Variants in TSHR observed in about 807,000 individuals in gnomAD.
TSHR encodes the protein thyroid stimulating hormone receptor, also known as thyrotropin receptor.
A neutral mutation model predicts 64.1 loss-of-function variants in TSHR; 51 were observed. That is an observed-to-expected ratio of 0.80 (90% CI 0.64 to 1.01). TSHR has a LOEUF of 1.01. Among genes scored for constraint, TSHR ranks in the 50% least tolerant of loss-of-function variants. The pLI, the probability that TSHR is intolerant of heterozygous loss-of-function variation, is 0.00. For synonymous variants in TSHR, 361 were observed against 361.9 expected (o/e 1.00, Z 0.03); for missense variants, 877 against 942.8 (o/e 0.93, Z 0.91).
At position 81,143,210 on chromosome 14, in the gene TSHR, T is replaced by C. The variant is rs1891774011; in HGVS notation, c.1152T>C (p.His384=). 6.2e-7 allele frequency: 1 copy of C among 1,614,060 alleles called. No homozygotes were observed. The highest frequency in any genetic ancestry group is 8.5e-7 in the Non-Finnish European group (1 of 1,180,036). The change falls in exon 10 of 10, where the codon CAT becomes CAC. Residue 384 remains histidine (H), a synonymous_variant. Transcript: ENST00000298171. ...AGACTCTACAAGCTTTTGACAGCCA[T>C]TATGACTACACCATATGTGGGGACA... ...QEETLQAFDS[H]YDYTICGDSE...
intron 1 of TSHR, among the ~76,000 whole-genome samples, chr14:80,961,254 CACCACCAACACGTCCCTGTCT>C (rs915308489): frequency 6.8e-6 from 1 of 146,084 alleles, no homozygotes; most frequent in African/African-American, 2.5e-5. Context: ...TAATGGAGAA[CACCACCAACACGTCCCTGTCT>C]GCAGGGATCT....
chr14:80,976,573 A>T (rs1887886689), intron 1 of TSHR, among the ~76,000 whole-genome samples: 1 of 152,220 alleles, frequency 6.6e-6, no homozygotes, highest in African/African-American at 2.4e-5. Flanking sequence ...GTTTGTCTAT[A>T]GTCACAATTG....
chr14:81,095,174 A>G (rs141299383), intron 6 of TSHR, among the ~76,000 whole-genome samples: 24 of 152,280 alleles, frequency 1.6e-4, no homozygotes, highest in African/African-American at 5.1e-4. Flanking sequence ...TCATGCCAAT[A>G]ACCACCAATA....
At position 81,144,037 on chromosome 14, in the gene TSHR, A is replaced by C; in HGVS notation, c.1979A>C (p.Lys660Thr). 2.5e-6 allele frequency: 4 copies of C among 1,614,124 alleles called. No individual in the cohort carries two copies. Among genetic ancestry groups the C allele is most frequent in the Non-Finnish European group, 3.4e-6 (4 of 1,180,028 alleles). ...CCTCTCATCACTGTTAGCAACTCCA[A>C]AATCTTGCTGGTACTCTTCTATCCA... is the stretch of plus-strand genomic sequence containing the variant. ...NKPLITVSNS[K>T]ILLVLFYPLN... is the part of the protein sequence containing the mutation. The change falls in exon 10 of 10, where the codon AAA becomes ACA. Residue 660 changes from lysine to threonine, a missense_variant. Lys to Thr is a moderately conservative substitution (Grantham distance 78, BLOSUM62 -1). Transcript: ENST00000298171.
intron 3 of TSHR, among the ~76,000 whole-genome samples, chr14:81,083,124 G>C (rs544218960): frequency 1.1e-4 from 16 of 152,200 alleles, no homozygotes; most frequent in African/African-American, 3.9e-4. Context: ...CTCTCATCCT[G>C]CTGATTTCCC....
chr14:80,988,083 T>C (rs77782666), intron 1 of TSHR, among the ~76,000 whole-genome samples: 4,735 of 152,326 alleles, frequency 0.031, 109 homozygotes, highest in Non-Finnish European at 0.046. Flanking sequence ...ATTGTCATCA[T>C]TAAAATCCCA....
chr14:81,120,180 A>G (rs1890730465), intron 8 of TSHR, among the ~76,000 whole-genome samples: 1 of 151,916 alleles, frequency 6.6e-6, no homozygotes, highest in Non-Finnish European at 1.5e-5. Context: ...AAAGTATAAT[A>G]ATAAAAAAAA....
intron 8 of TSHR, 71 bp downstream of exon 8, chr14:81,108,523 A>G (rs1373598531): frequency 4.1e-6 from 4 of 972,054 alleles, no homozygotes; most frequent in Non-Finnish European, 6.0e-6. Flanking sequence ...AAATGGAGAC[A>G]TTAAGGGGAG....
intron 1 of TSHR, among the ~76,000 whole-genome samples, chr14:81,023,238 T>C (rs1384578031): frequency 6.6e-6 from 1 of 152,136 alleles, no homozygotes; most frequent in African/African-American, 2.4e-5. Context: ...AGTCTTTATC[T>C]GTCTTCTGAC....
At chr14:81,045,317 G>T (rs183873561) in intron 1 of TSHR, among the ~76,000 whole-genome samples, 1 of 152,266 alleles carries the variant, frequency 6.6e-6, no homozygotes, top group East Asian at 1.9e-4. Context: ...TGGGAAGATT[G>T]GTATTAGTTC....
intron 8 of TSHR, among the ~76,000 whole-genome samples, chr14:81,134,627 A>T (rs1012548986): frequency 2.6e-5 from 4 of 152,230 alleles, no homozygotes; most frequent in Admixed American, 1.3e-4. Context: ...AGTAGAAGAG[A>T]TGGAAGATGC....
At chr14:81,142,601 G>C (rs1325273491) in intron 9 of TSHR, among the ~76,000 whole-genome samples, 1 of 134,146 alleles carries the variant, frequency 7.5e-6, no homozygotes, top group Admixed American at 8.2e-5. Context: ...TTTTAAACAA[G>C]CATTCTTTTT....
intron 1 of TSHR, among the ~76,000 whole-genome samples, chr14:80,962,984 C>A (rs1043481063): frequency 6.6e-6 from 1 of 152,134 alleles, no homozygotes; most frequent in Non-Finnish European, 1.5e-5. Context: ...AAGTTACCAC[C>A]TCCCAGTGAG....
chr14:81,008,222 G>A (rs2139772011), intron 1 of TSHR, among the ~76,000 whole-genome samples: 1 of 150,634 alleles, frequency 6.6e-6, no homozygotes, highest in South Asian at 2.1e-4. Context: ...ACCCAGGCTG[G>A]AGTGCAGTGG....
Position 81,087,113 on chromosome 14 carries a change from C to T in TSHR, c.318-841C>T, listed in dbSNP as rs566213684. ...AAAACTTTAAAAATTACAGAGGTCA[C>T]ATTCTAAGCTTTCTGACTGGTACCA... On this transcript the variant is annotated intron_variant, in intron 3 of 9. Coordinates refer to ENST00000298171, the MANE Select transcript of TSHR (RefSeq NM_000369.5). Among the ~76,000 whole-genome samples, 387 of 152,314 alleles carry T rather than the reference C, an allele frequency of 2.5e-3. 7 individuals are homozygous for T. The Middle Eastern group carries it at 0.027, about 11-fold the overall frequency.
chr14:81,081,276 A>G (rs970854769), intron 3 of TSHR, among the ~76,000 whole-genome samples: 2 of 152,178 alleles, frequency 1.3e-5, no homozygotes, highest in Admixed American at 6.5e-5. Context: ...GTATGTATGT[A>G]TGTATATATA....
Position 81,145,429 on chromosome 14 carries a change from A to T in TSHR, c.*1076A>T, listed in dbSNP as rs1891890243. On this transcript the variant is annotated 3_prime_UTR_variant, in exon 10 of 10. Coordinates refer to ENST00000298171, the MANE Select transcript of TSHR (RefSeq NM_000369.5). ...GTTTCACTTTTGATTATGATGTCTG[A>T]GCCAAAAATTCAATTAAGTAAACAT... 5 of 233,086 alleles carry T rather than the reference A, an allele frequency of 2.1e-5. 1 individual carries two copies. The Admixed American group carries it at 2.8e-4, about 13-fold the overall frequency. The allele number at this position is 233,086 out of a possible 1,614,324, so 14.4% of individuals were successfully genotyped here.
At chr14:81,092,360 A>G (rs974085247) in intron 5 of TSHR, among the ~76,000 whole-genome samples, 171 bp from the exon 6 acceptor site, 7 of 152,160 alleles carry the variant, frequency 4.6e-5, no homozygotes, top group African/African-American at 1.7e-4. Context: ...AGCTCTCACC[A>G]CCTCACCAGA....
At chr14:81,024,538 T>C (rs974063164) in intron 1 of TSHR, among the ~76,000 whole-genome samples, 34 of 152,152 alleles carry the variant, frequency 2.2e-4, no homozygotes, top group African/African-American at 7.2e-4. Flanking sequence ...TGGGCCACCG[T>C]GCCTGGCCAG....
Sources: gnomAD v4.1 joint callset for allele counts (sites outside exome capture counted in the v4.1 genomes callset) on GRCh38, gnomAD v4.1.1 for gene constraint, MANE v1.5 for transcripts, NCBI Gene and HGNC (gene_info 2026-07-23, HGNC 2026-07-21) for gene names.